The following UGGT2 variants were observed in gnomAD, a reference collection of about 807,000 sequenced individuals.
UGGT2 encodes UDP-glucose glycoprotein glucosyltransferase 2.
A neutral mutation model predicts 192.1 loss-of-function variants in UGGT2; 180 were observed. That is an observed-to-expected ratio of 0.94 (90% CI 0.83 to 1.06). The LOEUF is 1.06. UGGT2 is among the 50% of genes least tolerant of loss of function. The pLI, the probability that UGGT2 is intolerant of heterozygous loss-of-function variation, is 0.00. For missense variants in UGGT2, 1,849 were observed against 1,795.7 expected, an observed-to-expected ratio of 1.03 and a Z score of -0.54; for synonymous variants, 580 against 591.0, an observed-to-expected ratio of 0.98 and a Z score of 0.27.
At position 95,855,502 on chromosome 13, in the gene UGGT2, T is replaced by A. The variant is rs1258501702; in HGVS notation, c.4008+656A>T. On this transcript the variant is annotated intron_variant, in intron 34 of 38. Coordinates refer to ENST00000376747, the MANE Select transcript of UGGT2 (RefSeq NM_020121.4). ...GAAAGCAGAGGGCCTTGGGTGTTTT[T>A]TTTTTTTTTTTGGCCAAATTTATTT... is the stretch of plus-strand genomic sequence containing the variant. Among the ~76,000 whole-genome samples the A allele has an allele frequency of 2.6e-5, 4 of 150,964 alleles. No individual in the cohort carries two copies. The East Asian group carries it at 7.7e-4, about 29-fold the overall frequency.
intron 36 of UGGT2, among the ~76,000 whole-genome samples, chr13:95,841,568 CAGG>C (rs1887867830): frequency 6.6e-6 from 1 of 152,200 alleles, no homozygotes; most frequent in Non-Finnish European, 1.5e-5. Context: ...TCACATCCTA[CAGG>C]AGTTCTTTAT....
At chr13:95,831,758 T>C (rs1434673788) in intron 38 of UGGT2, among the ~76,000 whole-genome samples, 1 of 152,076 alleles carries the variant, frequency 6.6e-6, no homozygotes, top group Non-Finnish European at 1.5e-5. Flanking sequence ...TTATTAACTG[T>C]TACCTCTTTC....
chr13:95,900,743 A>G, intron 22 of UGGT2, 64 bp downstream of exon 22: 1 of 1,492,000 alleles, frequency 6.7e-7, no homozygotes, highest in Middle Eastern at 1.8e-4. Context: ...TTGTGACAGA[A>G]AAAAGGCAGA....
At chr13:96,036,497 T>C (rs2053007752) in intron 1 of UGGT2, among the ~76,000 whole-genome samples, 1 of 152,072 alleles carries the variant, frequency 6.6e-6, no homozygotes, top group South Asian at 2.1e-4. Context: ...CAAACCACCA[T>C]GGCACACATT....
chr13:95,942,955 TAA>T (rs1446283410), intron 15 of UGGT2, among the ~76,000 whole-genome samples: 3 of 152,184 alleles, frequency 2.0e-5, no homozygotes, highest in Admixed American at 6.5e-5. Context: ...ACACAAGGTG[TAA>T]AGTCTTATTT....
At chr13:95,982,023 T>A (rs980782151) in intron 10 of UGGT2, among the ~76,000 whole-genome samples, 1 of 152,176 alleles carries the variant, frequency 6.6e-6, no homozygotes, top group Non-Finnish European at 1.5e-5. Flanking sequence ...GATTATTTAG[T>A]TTACTAAATT....
intron 19 of UGGT2, among the ~76,000 whole-genome samples, chr13:95,926,146 G>T (rs1053116663): frequency 6.6e-6 from 1 of 151,832 alleles, no homozygotes; most frequent in Admixed American, 6.6e-5. Flanking sequence ...ATGTAAAACC[G>T]TAACAATCAA....
At chr13:95,993,368 T>C (rs1339171698) in intron 7 of UGGT2, among the ~76,000 whole-genome samples, 1 of 152,108 alleles carries the variant, frequency 6.6e-6, no homozygotes, top group Non-Finnish European at 1.5e-5. Flanking sequence ...AACCTGCACG[T>C]GTATGCCTTG....
chr13:95,966,015 C>T (rs2050568603), intron 12 of UGGT2, among the ~76,000 whole-genome samples: 1 of 152,056 alleles, frequency 6.6e-6, no homozygotes, highest in African/African-American at 2.4e-5. Context: ...ACTGAACTAC[C>T]ATCCAATCCA....
In UGGT2 at chr13:95,999,249, C is replaced by T. The variant is rs770751363; in HGVS notation, c.719G>A (p.Ser240Asn). 1.2e-6 allele frequency: 2 copies of T among 1,613,616 alleles called. No individual in the cohort carries two copies. The highest frequency in any genetic ancestry group is 2.2e-5 in the East Asian group (1 of 44,790). The change falls in exon 6 of 39, where the codon AGT becomes AAT. Residue 240 changes from serine to asparagine, a missense_variant. Ser to Asn is a conservative substitution (Grantham distance 46). Coordinates refer to ENST00000376747, the MANE Select transcript of UGGT2 (RefSeq NM_020121.4). ...ATCATCCAGTGCTTTGTATTCTGTACTCTTAATTGCTAGCTCCACACCATA... is the reference window on the plus strand; with the variant it reads ...ATCATCCAGTGCTTTGTATTCTGTATTCTTAATTGCTAGCTCCACACCATA... ...SGYGVELAIK[S>N]TEYKALDDTQ... is the part of the protein sequence containing the mutation.
chr13:95,841,065 C>G (rs3125434), intron 36 of UGGT2, among the ~76,000 whole-genome samples: 146,462 of 152,104 alleles, frequency 0.96, 70,716 homozygotes, highest in East Asian at 1. Flanking sequence ...CTGGGGGAAG[C>G]GGAGGGAGAG....
chr13:95,860,173 T>C (rs879874257), intron 32 of UGGT2, among the ~76,000 whole-genome samples: 2 of 152,012 alleles, frequency 1.3e-5, no homozygotes, highest in Non-Finnish European at 2.9e-5. Context: ...TGAGTTATTC[T>C]CTGTGACCTT....
chr13:95,947,417 T>A (rs903866017), intron 14 of UGGT2, among the ~76,000 whole-genome samples: 1 of 151,910 alleles, frequency 6.6e-6, no homozygotes, highest in African/African-American at 2.4e-5. Flanking sequence ...CAAATGGCCA[T>A]GTTCTTTTGT....
intron 36 of UGGT2, among the ~76,000 whole-genome samples, chr13:95,839,054 AC>A (rs2139930027): frequency 1.3e-5 from 2 of 152,100 alleles, no homozygotes; most frequent in Non-Finnish European, 2.9e-5. Context: ...ACTTAGTTGT[AC>A]TTTCTTGACA....
At chr13:95,853,833 A>G (rs1482314567) in intron 35 of UGGT2, among the ~76,000 whole-genome samples, 176 bp from the exon 36 acceptor site, 1 of 152,150 alleles carries the variant, frequency 6.6e-6, no homozygotes, top group East Asian at 1.9e-4. Context: ...AAGAGTTTTA[A>G]GTTTGTTTTA....
chr13:96,053,223 G>T lies in UGGT2; in HGVS notation c.90C>A (p.Ala30=), dbSNP rs1240998457. 2 of 1,539,944 alleles carry T rather than the reference G, an allele frequency of 1.3e-6. No homozygotes were observed. Among genetic ancestry groups the T allele is most frequent in the Non-Finnish European group, 8.7e-7 (1 of 1,149,944 alleles). Residue 30 remains alanine, a synonymous_variant, in exon 1 of 39, where the codon GCC becomes GCA. Transcript: ENST00000376747. The part of the protein sequence containing the change: ...WLSQLGSGTV[A]ASKSVTAHLA... ...AGTGGGCAGTCACCGACTTGGACGCGGCGACCGTCCCGGAGCCGAGCTGCG... is the reference window on the plus strand; with the variant it reads ...AGTGGGCAGTCACCGACTTGGACGCTGCGACCGTCCCGGAGCCGAGCTGCG...
intron 30 of UGGT2, among the ~76,000 whole-genome samples, chr13:95,867,131 TA>T (rs201931379): frequency 6.6e-6 from 1 of 151,574 alleles, no homozygotes; most frequent in African/African-American, 2.4e-5. Flanking sequence ...TATCATAATG[TA>T]AAAAAAAATC....
chr13:95,860,965 A>G (rs1327129604), intron 31 of UGGT2, 82 bp from the exon 32 acceptor site: 4 of 679,894 alleles, frequency 5.9e-6, no homozygotes, highest in East Asian at 6.4e-5. Flanking sequence ...TAAGCAATCA[A>G]TATAGAAATG....
At position 95,968,610 on chromosome 13, in the gene UGGT2, C is replaced by T. The variant is rs2050665843; in HGVS notation, c.1335+1502G>A. On this transcript the variant is annotated intron_variant, in intron 12 of 38. Coordinates refer to ENST00000376747, the MANE Select transcript of UGGT2 (RefSeq NM_020121.4). ...CACTCTCTCTCACTCCTGTTCTTGC[C>T]ATATGAGATACCTGCTCCCTCTCTG... Among the ~76,000 whole-genome samples the T allele has an allele frequency of 6.6e-5, 10 of 152,196 alleles. No homozygotes were observed. In the South Asian group the frequency reaches 1.9e-3, roughly 28 times the overall value.
Sources: allele counts gnomAD v4.1 joint callset (sites outside exome capture counted in the v4.1 genomes callset), GRCh38; gene constraint gnomAD v4.1.1; transcripts MANE v1.5; gene names NCBI Gene and HGNC (gene_info 2026-07-23, HGNC 2026-07-21).